FAT3: variants seen among roughly 807,000 people sequenced by gnomAD.
The protein encoded by FAT3 is FAT atypical cadherin 3, also known as protocadherin Fat 3.
FAT3 carries 95 observed loss-of-function variants against 310.2 expected under a neutral mutation model. That is an observed-to-expected ratio of 0.31 (90% confidence interval 0.26 to 0.36). The LOEUF is 0.36. Ranked by LOEUF, FAT3 falls within the 10% of genes least tolerant of loss-of-function variation. FAT3 has a pLI of 1.00. For missense variants in FAT3, 5,408 were observed against 5,715.6 expected (o/e 0.95, Z 1.74); for synonymous variants, 2,314 against 2,192.9 (o/e 1.06, Z -1.54).
In FAT3 at chr11:92,799,236, G is replaced by A; in HGVS notation, c.6223G>A (p.Glu2075Lys). 3 of 1,613,898 alleles carry A rather than the reference G, an allele frequency of 1.9e-6. No homozygotes were observed. Among genetic ancestry groups the A allele is most frequent in the Non-Finnish European group, 2.5e-6 (3 of 1,179,850 alleles). Reference protein sequence around the residue: ...VARVVVRVNIEDINDNSPVFV... With the variant: ...VARVVVRVNIKDINDNSPVFV... ...CAGAGTGGTGGTCAGGGTTAACATT[G>A]AAGACATAAATGACAATTCTCCAGT... The change falls in exon 10 of 28, where the codon GAA becomes AAA. Residue 2075 changes from glutamate to lysine, a missense_variant. This residue lies in a region of FAT3 where 4,588 missense variants were observed against 4,809.8 expected (regional missense o/e 0.95). Transcript: ENST00000525166.
intron 1 of FAT3, chr11:92,336,173 A>T: frequency 1.8e-6 from 1 of 562,618 alleles, no homozygotes; most frequent in African/African-American, 1.9e-5. Flanking sequence ...AATCAGGCAG[A>T]TAGGCCACAA....
intron 2 of FAT3, chr11:92,407,949 A>G (rs517380): frequency 0.31 from 46,835 of 152,112 alleles, 9,844 homozygotes; most frequent in African/African-American, 0.6. Context: ...TTCCCAGCCC[A>G]TGAGGCAAAG....
chr11:92,628,160 T>G (rs763895242), intron 3 of FAT3, among the ~76,000 whole-genome samples: 1 of 152,222 alleles, frequency 6.6e-6, no homozygotes, highest in Non-Finnish European at 1.5e-5. Context: ...TACTGAGTAA[T>G]GCACATGTGC....
chr11:92,544,337 T>C (rs769597888), intron 3 of FAT3, among the ~76,000 whole-genome samples: 21 of 152,184 alleles, frequency 1.4e-4, no homozygotes, highest in Non-Finnish European at 2.1e-4. Flanking sequence ...TAATCAATTG[T>C]ACATTTCAAA....
chr11:92,243,078 T>C (rs1432770994), intron 1 of FAT3, among the ~76,000 whole-genome samples: 1 of 151,958 alleles, frequency 6.6e-6, no homozygotes, highest in Non-Finnish European at 1.5e-5. Flanking sequence ...TATGAAACAA[T>C]GCTAGAAATG....
Position 92,736,081 on chromosome 11 carries a change from G to C in FAT3, c.3670-25775G>C, listed in dbSNP as rs1476246072. ...CTTACTCTCTACTGTTGTGAAGATG[G>C]CTCTTTGAAGGCACTGTCTGATCCT... On this transcript the variant is annotated intron_variant, in intron 4 of 27. Transcript: ENST00000525166. 3.3e-5 allele frequency among the ~76,000 whole-genome samples: 5 copies of C among 152,100 alleles called. No individual in the cohort carries two copies. The East Asian group carries it at 9.6e-4, about 29-fold the overall frequency.
chr11:92,424,765 T>A (rs1006363865), intron 2 of FAT3, among the ~76,000 whole-genome samples: 1 of 152,162 alleles, frequency 6.6e-6, no homozygotes, highest in African/African-American at 2.4e-5. Context: ...ACGTTTTGAA[T>A]TTTTTTCTAA....
intron 1 of FAT3, among the ~76,000 whole-genome samples, chr11:92,316,125 C>T (rs1947454713): frequency 6.6e-6 from 1 of 151,870 alleles, no homozygotes; most frequent in East Asian, 1.9e-4. Flanking sequence ...AAATACTAGG[C>T]TCAAATATCA....
intron 1 of FAT3, among the ~76,000 whole-genome samples, chr11:92,312,748 A>T (rs1486294771): frequency 6.6e-6 from 1 of 152,174 alleles, no homozygotes; most frequent in Non-Finnish European, 1.5e-5. Flanking sequence ...CTCTTGAAGC[A>T]CCTAGATCCA....
chr11:92,306,641 A>C (rs1176141998), intron 1 of FAT3, among the ~76,000 whole-genome samples: 1 of 123,172 alleles, frequency 8.1e-6, no homozygotes, highest in Non-Finnish European at 1.6e-5. Context: ...TATATTATAT[A>C]TATTATATAT....
chr11:92,774,172 G>A lies in FAT3; in HGVS notation c.4327G>A (p.Val1443Ile). 6.2e-7 allele frequency: 1 copy of A among 1,610,384 alleles called. No homozygotes were observed. The highest frequency in any genetic ancestry group is 8.5e-7 in the Non-Finnish European group (1 of 1,178,620). The change falls in exon 7 of 28, where the codon GTT becomes ATT. Residue 1443 changes from valine to isoleucine, a missense_variant. Around this residue, in one of 5 missense-constraint regions of FAT3, gnomAD observed 4,588 missense variants for 4,809.8 expected, o/e 0.95. Transcript: ENST00000525166. ...AGTCACCGATGGGACAAATGTTGCTGTTACTCAGGTGAGATGTTAAATTAC... is the reference window on the plus strand; with the variant it reads ...AGTCACCGATGGGACAAATGTTGCTATTACTCAGGTGAGATGTTAAATTAC... ...VEVTDGTNVA[V>I]TQVFIKVLDN...
chr11:92,793,069 C>T (rs1376566837), intron 9 of FAT3, 92 bp downstream of exon 9: 8 of 1,323,488 alleles, frequency 6.0e-6, no homozygotes, highest in Non-Finnish European at 8.3e-6. Flanking sequence ...AGATCATTAA[C>T]AGTGGAACAT....
intron 2 of FAT3, among the ~76,000 whole-genome samples, chr11:92,399,592 C>T (rs914864545): frequency 2.0e-5 from 3 of 152,104 alleles, no homozygotes; most frequent in Admixed American, 2.0e-4. Flanking sequence ...GACACGCCCA[C>T]AACTTGGTTG....
chr11:92,871,149 C>G (rs1591836163), intron 22 of FAT3, among the ~76,000 whole-genome samples: 1 of 152,104 alleles, frequency 6.6e-6, no homozygotes, highest in East Asian at 1.9e-4. Flanking sequence ...GACCTTTTCT[C>G]TAAACAAAAA....
At chr11:92,884,323 T>A (rs559297533) in intron 24 of FAT3, among the ~76,000 whole-genome samples, 15 of 152,146 alleles carry the variant, frequency 9.9e-5, no homozygotes, top group Non-Finnish European at 1.8e-4. Flanking sequence ...GGAGAAGAAA[T>A]TGAACAGGCT....
intron 2 of FAT3, among the ~76,000 whole-genome samples, chr11:92,441,928 A>T (rs978013376): frequency 6.6e-6 from 1 of 151,682 alleles, no homozygotes; most frequent in Non-Finnish European, 1.5e-5. Flanking sequence ...CTTACCTTCA[A>T]ATACCCACTT....
intron 3 of FAT3, among the ~76,000 whole-genome samples, chr11:92,656,532 G>GACACCAAC (rs1942589497): frequency 6.6e-6 from 1 of 152,182 alleles, no homozygotes; most frequent in Non-Finnish European, 1.5e-5. Flanking sequence ...CAAACCACCA[G>GACACCAAC]ACACCAACAT....
chr11:92,463,906 A>G (rs1951697875), intron 2 of FAT3, among the ~76,000 whole-genome samples: 1 of 152,118 alleles, frequency 6.6e-6, no homozygotes, highest in Non-Finnish European at 1.5e-5. Flanking sequence ...CTTAACTTCT[A>G]AAATAGGGGT....
At chr11:92,607,170 T>C (rs1940339712) in intron 3 of FAT3, among the ~76,000 whole-genome samples, 2 of 152,194 alleles carry the variant, frequency 1.3e-5, no homozygotes, top group African/African-American at 4.8e-5. Context: ...AAGTCTTCTA[T>C]GATGGTTTGA....
Sources: allele counts gnomAD v4.1 joint callset (sites outside exome capture counted in the v4.1 genomes callset), GRCh38; gene constraint gnomAD v4.1.1; regional missense constraint gnomAD v4.1.1; transcripts MANE v1.5; gene names NCBI Gene and HGNC (gene_info 2026-07-23, HGNC 2026-07-21).